The following SLC35F1 variants were observed in gnomAD, a reference collection of about 807,000 sequenced individuals.
SLC35F1 encodes the protein solute carrier family 35 member F1.
Under a neutral mutation model 48.7 loss-of-function variants are expected in SLC35F1, and 14 were observed. The ratio of observed to expected loss-of-function variants is 0.29; its 90% confidence interval spans 0.19 to 0.45. The LOEUF is 0.45. Among genes scored for constraint, SLC35F1 ranks in the 20% least tolerant of loss-of-function variants. SLC35F1 has a pLI of 1.00. For synonymous variants in SLC35F1, 190 were observed against 202.2 expected, an observed-to-expected ratio of 0.94 and a Z score of 0.51; for missense variants, 404 against 500.0, an observed-to-expected ratio of 0.81 and a Z score of 1.83.
intron 2 of SLC35F1, among the ~76,000 whole-genome samples, chr6:118,179,750 CCTT>C (rs1377933400): frequency 6.6e-6 from 1 of 152,036 alleles, no homozygotes; most frequent in Non-Finnish European, 1.5e-5. Flanking sequence ...GCATAACTGA[CCTT>C]CTAGTAAAGT....
At chr6:118,242,114 G>A (rs549277531) in intron 3 of SLC35F1, among the ~76,000 whole-genome samples, 1 of 152,264 alleles carries the variant, frequency 6.6e-6, no homozygotes, top group South Asian at 2.1e-4. Flanking sequence ...GGGTCATATG[G>A]TAAGTGCATA....
intron 1 of SLC35F1, among the ~76,000 whole-genome samples, chr6:118,128,816 AAAAT>A (rs1167245860): frequency 7.9e-6 from 1 of 126,788 alleles, no homozygotes; most frequent in Non-Finnish European, 1.8e-5. Flanking sequence ...TATAATAATA[AAAAT>A]AAATAAATAA....
chr6:117,911,612 A>T (rs1234438890), intron 1 of SLC35F1, among the ~76,000 whole-genome samples: 5 of 151,790 alleles, frequency 3.3e-5, no homozygotes, highest in Non-Finnish European at 5.9e-5. Flanking sequence ...TTTTTAAAAA[A>T]TTTTTAAATT....
chr6:118,278,990 C>A (rs1468458268), intron 6 of SLC35F1, among the ~76,000 whole-genome samples: 1 of 152,142 alleles, frequency 6.6e-6, no homozygotes, highest in Non-Finnish European at 1.5e-5. Context: ...AAACGTCAGT[C>A]CCCTATAGTT....
intron 1 of SLC35F1, among the ~76,000 whole-genome samples, chr6:117,975,655 C>G (rs193055809): frequency 1.3e-5 from 2 of 152,046 alleles, no homozygotes; most frequent in Non-Finnish European, 2.9e-5. Flanking sequence ...TTTTTGTAGA[C>G]GGGAATCTAC....
chr6:118,186,014 A>C (rs1270359305), intron 2 of SLC35F1, among the ~76,000 whole-genome samples: 1 of 152,062 alleles, frequency 6.6e-6, no homozygotes, highest in East Asian at 1.9e-4. Flanking sequence ...ATACATGACA[A>C]CTGTATCCTG....
chr6:118,276,180 G>T (rs1286657485), intron 5 of SLC35F1, among the ~76,000 whole-genome samples: 1 of 152,146 alleles, frequency 6.6e-6, no homozygotes, highest in Non-Finnish European at 1.5e-5. Flanking sequence ...CACCAGTTTT[G>T]CAATAATTCT....
chr6:118,012,326 G>GAAA (rs11395051), intron 1 of SLC35F1, among the ~76,000 whole-genome samples: 2 of 137,250 alleles, frequency 1.5e-5, no homozygotes, highest in African/African-American at 5.6e-5. Context: ...AATAAATGGG[G>GAAA]AAAAAAAAAA....
chr6:118,203,228 T>C (rs1774893150), intron 2 of SLC35F1, among the ~76,000 whole-genome samples: 1 of 152,210 alleles, frequency 6.6e-6, no homozygotes, highest in African/African-American at 2.4e-5. Context: ...CTGGGCCAAC[T>C]GCTCTCTGAG....
intron 1 of SLC35F1, among the ~76,000 whole-genome samples, chr6:118,031,128 G>A (rs187092855): frequency 2.0e-5 from 3 of 152,172 alleles, no homozygotes; most frequent in Admixed American, 2.0e-4. Flanking sequence ...TTTTTAATCA[G>A]ATGAAATGAG....
intron 2 of SLC35F1, among the ~76,000 whole-genome samples, chr6:118,157,375 G>A (rs1005260578): frequency 1.3e-5 from 2 of 152,134 alleles, no homozygotes; most frequent in African/African-American, 2.4e-5. Flanking sequence ...CCACTGTGCG[G>A]TCAGGAGGAC....
At chr6:118,182,958 T>C (rs950490189) in intron 2 of SLC35F1, among the ~76,000 whole-genome samples, 2 of 152,226 alleles carry the variant, frequency 1.3e-5, no homozygotes, top group African/African-American at 4.8e-5. Context: ...GTTATTATCA[T>C]GATTCCTCTG....
At chr6:117,989,532 C>T (rs1019470342) in intron 1 of SLC35F1, among the ~76,000 whole-genome samples, 1 of 152,178 alleles carries the variant, frequency 6.6e-6, no homozygotes, top group African/African-American at 2.4e-5. Flanking sequence ...TTGGGATGTT[C>T]TGAGGCCTCT....
intron 3 of SLC35F1, among the ~76,000 whole-genome samples, chr6:118,236,894 T>G (rs1409102754): frequency 6.6e-6 from 1 of 152,220 alleles, no homozygotes; most frequent in Non-Finnish European, 1.5e-5. Context: ...GGCACTTGCC[T>G]TTTTAAAAAT....
chr6:118,005,339 T>A (rs1268307357), intron 1 of SLC35F1, among the ~76,000 whole-genome samples: 2 of 152,164 alleles, frequency 1.3e-5, no homozygotes, highest in Non-Finnish European at 2.9e-5. Flanking sequence ...TGAACAGCAT[T>A]GTCCCTGTTT....
At chr6:118,180,573 C>T (rs74613493) in intron 2 of SLC35F1, among the ~76,000 whole-genome samples, 3,101 of 151,744 alleles carry the variant, frequency 0.02, 103 homozygotes, top group African/African-American at 0.07. Context: ...ATATTAGAAA[C>T]CAATATAGAG....
intron 1 of SLC35F1, among the ~76,000 whole-genome samples, chr6:117,925,757 G>A (rs1452009900): frequency 6.6e-6 from 1 of 152,086 alleles, no homozygotes; most frequent in Non-Finnish European, 1.5e-5. Flanking sequence ...TGCCCAAGAT[G>A]TAGTTCTGCT....
At chr6:118,114,573 T>C (rs1773451850) in intron 1 of SLC35F1, among the ~76,000 whole-genome samples, 1 of 152,074 alleles carries the variant, frequency 6.6e-6, no homozygotes, top group Non-Finnish European at 1.5e-5. Context: ...AGATGGGCTT[T>C]CCTCGTGTTA....
At chr6:117,968,016 AT>A (rs1776592593) in intron 1 of SLC35F1, among the ~76,000 whole-genome samples, 2 of 152,222 alleles carry the variant, frequency 1.3e-5, no homozygotes, top group African/African-American at 4.8e-5. Context: ...TCTAAAATAA[AT>A]GACAGAGAGA....
Sources: gnomAD v4.1 joint callset for allele counts (sites outside exome capture counted in the v4.1 genomes callset) on GRCh38, gnomAD v4.1.1 for gene constraint, MANE v1.5 for transcripts, NCBI Gene and HGNC (gene_info 2026-07-23, HGNC 2026-07-21) for gene names.